The following CYP3A4 variants were observed in gnomAD, a reference collection of about 807,000 sequenced individuals.
CYP3A4 encodes the protein cytochrome P450 family 3 subfamily A member 4, also known as cytochrome P450 3A4.
In CYP3A4, 41 loss-of-function variants were observed where a neutral mutation model predicts 54.9. That is an observed-to-expected ratio of 0.75 (90% CI 0.58 to 0.97). The LOEUF is 0.97. Among genes scored for constraint, CYP3A4 ranks in the 50% least tolerant of loss-of-function variants. CYP3A4 has a pLI of 0.00. For synonymous variants in CYP3A4, 179 were observed against 205.2 expected (o/e 0.87, Z 1.09); for missense variants, 510 against 597.3 (o/e 0.85, Z 1.52).
intron 9 of CYP3A4, among the ~76,000 whole-genome samples, chr7:99,764,397 A>G (rs1188947631): frequency 6.6e-6 from 1 of 152,234 alleles, no homozygotes; most frequent in East Asian, 1.9e-4. Flanking sequence ...CTCTCCCCCA[A>G]GAAAAATGTA....
chr7:99,764,149 G>A, intron 9 of CYP3A4, 134 bp from the exon 10 acceptor site: 2 of 1,324,308 alleles, frequency 1.5e-6, no homozygotes, highest in South Asian at 2.7e-5. Context: ...AGGTACACTG[G>A]GGGTGGTTTC....
Position 99,772,598 on chromosome 7 carries a change from T to C in CYP3A4, c.310A>G (p.Asn104Asp). 6.2e-7 allele frequency: 1 copy of C among 1,612,684 alleles called. No individual in the cohort carries two copies. The highest frequency in any genetic ancestry group is 8.5e-7 in the Non-Finnish European group (1 of 1,179,386). The change falls in exon 4 of 13, where the codon AAC (asparagine) becomes GAC (aspartate). Residue 104 changes from asparagine to aspartate, a missense_variant. By Grantham distance (23) the Asn-to-Asp change is conservative (BLOSUM62 1). This residue lies in a region of CYP3A4 where 272 missense variants were observed against 274.9 expected (regional missense o/e 0.99). Transcript: ENST00000651514. ...AACACATGAATGCTTACCCTCCGGTTTGTGAAGACAGAATAACATTCTTTC... is the reference window on the plus strand; with the variant it reads ...AACACATGAATGCTTACCCTCCGGTCTGTGAAGACAGAATAACATTCTTTC... ...LVKECYSVFT[N>D]RRPFGPVGFM...
intron 8 of CYP3A4, 54 bp downstream of exon 8, chr7:99,767,077 T>G: frequency 1.9e-6 from 3 of 1,545,498 alleles, no homozygotes; most frequent in Non-Finnish European, 2.7e-6. Flanking sequence ...ATGTATATTA[T>G]CTAAAAAATT....
intron 12 of CYP3A4, 43 bp from the exon 13 acceptor site, chr7:99,758,271 A>T: frequency 1.3e-6 from 2 of 1,596,538 alleles, no homozygotes; most frequent in Non-Finnish European, 1.7e-6. Context: ...TTAAATAAAC[A>T]AAAGTAGAAA....
rs1241636548 is a variant in CYP3A4 at position 99,757,359 on chromosome 7, G to C, written c.*774C>G. The C allele has an allele frequency of 1.5e-5, 2 of 134,958 alleles. No homozygotes were observed. Among genetic ancestry groups the C allele is most frequent in the Admixed American group, 7.0e-5 (1 of 14,228 alleles). The allele number at this position is 134,958 out of a possible 1,614,324, so 8.4% of individuals were successfully genotyped here. ...AATTTGTGTATTTTTAGTAGAGATG[G>C]GGTTTCAACCATGTAGGCCAGGCTT... is the stretch of plus-strand genomic sequence containing the variant. On this transcript the variant is annotated 3_prime_UTR_variant, in exon 13 of 13. Transcript: ENST00000651514.
intron 2 of CYP3A4, among the ~76,000 whole-genome samples, 162 bp downstream of exon 2, chr7:99,779,830 A>C (rs1158688222): frequency 6.6e-6 from 1 of 152,158 alleles, no homozygotes; most frequent in Non-Finnish European, 1.5e-5. Context: ...TTAGCAAGAG[A>C]GCCCTTGGGT....
chr7:99,769,773 C>A lies in CYP3A4; in HGVS notation c.516G>T (p.Leu172Phe), dbSNP rs1815579281. 1.9e-6 allele frequency: 3 copies of A among 1,613,932 alleles called. No homozygotes were observed. In the African/African-American group the frequency reaches 4.0e-5, roughly 22 times the overall value. Residue 172 changes from leucine (L) to phenylalanine (F), a missense_variant, in exon 6 of 13, where the codon TTG (leucine) becomes TTT (phenylalanine). Coordinates refer to ENST00000651514, the MANE Select transcript of CYP3A4 (RefSeq NM_017460.6). Reference protein sequence around the residue: ...REAETGKPVTLKDVFGAYSMD... With the variant: ...REAETGKPVTFKDVFGAYSMD... Reference sequence around the variant, plus strand: ...ATGGCTGCGCTTCTACTTACTCTTTCAAGGTGACAGGCTTGCCTGTCTCTG... The same window carrying A: ...ATGGCTGCGCTTCTACTTACTCTTTAAAGGTGACAGGCTTGCCTGTCTCTG...
intron 1 of CYP3A4, among the ~76,000 whole-genome samples, chr7:99,781,044 C>G (rs1386815850): frequency 6.6e-6 from 1 of 152,128 alleles, no homozygotes; most frequent in Non-Finnish European, 1.5e-5. Context: ...ATGATTGGAT[C>G]CTAGGGGCAG....
At chr7:99,767,434 G>A (rs533745721) in intron 7 of CYP3A4, among the ~76,000 whole-genome samples, 176 bp from the exon 8 acceptor site, 1 of 152,276 alleles carries the variant, frequency 6.6e-6, no homozygotes, top group South Asian at 2.1e-4. Context: ...GGCTGAGCAA[G>A]GGCAGGTCTA....
chr7:99,778,737 A>G (rs1427605240), intron 2 of CYP3A4, among the ~76,000 whole-genome samples: 2 of 152,224 alleles, frequency 1.3e-5, no homozygotes, highest in African/African-American at 4.8e-5. Context: ...ACTTGCTCAG[A>G]GTTTTCACTG....
intron 1 of CYP3A4, 77 bp downstream of exon 1, chr7:99,783,934 C>T: frequency 4.7e-6 from 7 of 1,482,564 alleles, no homozygotes; most frequent in Non-Finnish European, 6.6e-6. Flanking sequence ...ATCTTCAAAA[C>T]AGATAAGGGA....
chr7:99,781,456 A>G (rs1815922200), intron 1 of CYP3A4, among the ~76,000 whole-genome samples: 1 of 152,172 alleles, frequency 6.6e-6, no homozygotes, highest in Admixed American at 6.5e-5. Flanking sequence ...AAAACCCATT[A>G]AGGCTGGTGC....
At chr7:99,782,500 C>T (rs933338602) in intron 1 of CYP3A4, among the ~76,000 whole-genome samples, 1 of 152,158 alleles carries the variant, frequency 6.6e-6, no homozygotes, top group African/African-American at 2.4e-5. Flanking sequence ...TGCCCAGCTG[C>T]CTGAGTCTGT....
chr7:99,769,598 ACCT>A, intron 6 of CYP3A4, 167 bp downstream of exon 6: 1 of 638,640 alleles, frequency 1.6e-6, no homozygotes. Flanking sequence ...CAGCTGCCCC[ACCT>A]CCTCATCGGA....
chr7:99,776,681 G>A (rs1815779579), intron 3 of CYP3A4, among the ~76,000 whole-genome samples: 1 of 152,086 alleles, frequency 6.6e-6, no homozygotes, highest in South Asian at 2.1e-4. Context: ...ATCACACACT[G>A]GGGCCTGTTG....
intron 3 of CYP3A4, 105 bp from the exon 4 acceptor site, chr7:99,772,794 G>A (rs1563043595): frequency 1.7e-6 from 2 of 1,160,934 alleles, no homozygotes; most frequent in Non-Finnish European, 2.5e-6. Context: ...TAATCCCTTA[G>A]TTGTACAATA....
At chr7:99,777,293 G>T (rs960910032) in intron 3 of CYP3A4, among the ~76,000 whole-genome samples, 1 of 152,228 alleles carries the variant, frequency 6.6e-6, no homozygotes, top group South Asian at 2.1e-4. Flanking sequence ...ACACTGGACA[G>T]AGCATGATGC....
intron 7 of CYP3A4, 30 bp downstream of exon 7, chr7:99,768,324 A>G: frequency 6.2e-7 from 1 of 1,601,828 alleles, no homozygotes; most frequent in East Asian, 2.2e-5. Flanking sequence ...AGAGAGCAAG[A>G]TAAATAAAAG....
At position 99,766,400 on chromosome 7, in the gene CYP3A4, GA is replaced by G. The variant is rs748261208; in HGVS notation, c.841del (p.Ser281GlnfsTer80). 3.7e-6 allele frequency: 6 copies of G among 1,613,634 alleles called. No homozygotes were observed. The highest frequency in any genetic ancestry group is 1.3e-5 in the African/African-American group (1 of 74,960). On this transcript the variant is annotated frameshift_variant, in exon 9 of 13. Coordinates refer to ENST00000651514, the MANE Select transcript of CYP3A4 (RefSeq NM_017460.6). LOFTEE classifies it high-confidence loss of function. The part of the protein sequence containing the change: ...FLQLMIDSQN[S>X]KETESHKALS... ...ACCTTTGTGGGACTCAGTTTCTTTT[GA>G]ATTCTGAGAGTCAATCATCAGCTGA...
Sources: gnomAD v4.1 joint callset for allele counts (sites outside exome capture counted in the v4.1 genomes callset) on GRCh38, gnomAD v4.1.1 for gene constraint, gnomAD v4.1.1 regional missense constraint, MANE v1.5 for transcripts, NCBI Gene and HGNC (gene_info 2026-07-23, HGNC 2026-07-21) for gene names.